The following CCDC88C variants were observed in gnomAD, a reference collection of about 807,000 sequenced individuals.
CCDC88C encodes protein Daple.
A neutral mutation model predicts 198.8 loss-of-function variants in CCDC88C; 131 were observed. The ratio of observed to expected loss-of-function variants is 0.66; its 90% CI spans 0.57 to 0.76. The LOEUF (loss-of-function observed/expected upper bound fraction) is 0.76. Ranked by LOEUF, CCDC88C falls within the 30% of genes least tolerant of loss-of-function variation. The probability of loss-of-function intolerance (pLI) is 0.00; values close to 1 mark genes in which losing one functional copy is unlikely to be tolerated. For missense variants in CCDC88C, 2,553 were observed against 2,631.6 expected, an observed-to-expected ratio of 0.97 and a Z score of 0.65; for synonymous variants, 1,166 against 1,114.7, an observed-to-expected ratio of 1.05 and a Z score of -0.92.
intron 10 of CCDC88C, among the ~76,000 whole-genome samples, chr14:91,336,805 C>CCCAGAGCTTCCAGAGCCT (rs1387729435): frequency 6.6e-6 from 1 of 152,232 alleles, no homozygotes; most frequent in Non-Finnish European, 1.5e-5. Flanking sequence ...CTCACCCAGT[C>CCCAGAGCTTCCAGAGCCT]CCAGAGCTTC....
In CCDC88C at chr14:91,279,240, T is replaced by C; in HGVS notation, c.4766A>G (p.Lys1589Arg). 1 of 1,591,954 alleles carries C rather than the reference T, an allele frequency of 6.3e-7. No individual in the cohort carries two copies. The highest frequency in any genetic ancestry group is 1.7e-5 in the Admixed American group (1 of 57,214). Residue 1589 changes from lysine (K) to arginine (R), a missense_variant and splice_region_variant, in exon 28 of 30, where the codon AAA (lysine) becomes AGA (arginine). Physicochemically the swap from Lys to Arg is conservative, Grantham distance 26. Around this residue, in one of 2 missense-constraint regions of CCDC88C, gnomAD observed 1,293 missense variants for 1,219.6 expected, o/e 1.06. Transcript: ENST00000389857. ...GTACACAGAAGCACAAGACTTACCT[T>C]TTAGGTTAAGAGGTGAGCTGTTGCT... ...TSSNSSPLNL[K>R]GSSEQLHGRS...
At chr14:91,309,790 T>G (rs985693522) in intron 16 of CCDC88C, 69 bp downstream of exon 16, 1 of 1,517,126 alleles carries the variant, frequency 6.6e-7, no homozygotes, top group Non-Finnish European at 9.0e-7. Context: ...CAGGGGAGGG[T>G]GAGGAGCCTG....
At chr14:91,351,025 T>C (rs1220841057) in intron 4 of CCDC88C, among the ~76,000 whole-genome samples, 2 of 152,180 alleles carry the variant, frequency 1.3e-5, no homozygotes, top group African/African-American at 4.8e-5. Context: ...CAGGGAGCTA[T>C]GTGGTTTCGC....
intron 22 of CCDC88C, among the ~76,000 whole-genome samples, chr14:91,295,266 A>C (rs1166610643): frequency 1.3e-5 from 2 of 152,242 alleles, no homozygotes; most frequent in Non-Finnish European, 2.9e-5. Context: ...AACTGGAAGG[A>C]AAAAGGAGGT....
intron 13 of CCDC88C, 116 bp from the exon 14 acceptor site, chr14:91,315,903 G>C (rs1596062900): frequency 9.5e-7 from 1 of 1,054,236 alleles, no homozygotes. Flanking sequence ...TTTCTCAAGG[G>C]AAGACCTCCT....
intron 4 of CCDC88C, among the ~76,000 whole-genome samples, chr14:91,346,880 CAAAG>C (rs1893565687): frequency 6.6e-6 from 1 of 152,092 alleles, no homozygotes; most frequent in Non-Finnish European, 1.5e-5. Context: ...GCCTTGGCGA[CAAAG>C]GAAGACTCTG....
Position 91,279,320 on chromosome 14 carries a change from G to T in CCDC88C, c.4700-14C>A, listed in dbSNP as rs1362482712. On this transcript the variant is annotated splice_polypyrimidine_tract_variant and intron_variant, in intron 27 of 29. Transcript: ENST00000389857. The stretch of plus-strand genomic sequence containing the variant: ...TTGGCCGCGACACTGAAAGGAAATG[G>T]CAGTGTTAAAATTAAAAAGCCAATG... 4 of 1,585,036 alleles carry T rather than the reference G, an allele frequency of 2.5e-6. No homozygotes were observed. The highest frequency in any genetic ancestry group is 2.6e-6 in the Non-Finnish European group (3 of 1,163,338).
At chr14:91,334,745 C>T (rs747450326) in intron 10 of CCDC88C, among the ~76,000 whole-genome samples, 1 of 152,192 alleles carries the variant, frequency 6.6e-6, no homozygotes, top group Admixed American at 6.5e-5. Flanking sequence ...AAGGTAACGC[C>T]GGGCCTTGAC....
At position 91,409,314 on chromosome 14, in the gene CCDC88C, A is replaced by G. The variant is rs548820630; in HGVS notation, c.162-547T>C. On this transcript the variant is annotated intron_variant, in intron 2 of 29. Transcript: ENST00000389857. Reference sequence around the variant, plus strand: ...AGGGATCTTCCTGTCTCAGCCTCCCAGGCAGCTAGGACTACAGGCCCAGCT... The same window carrying G: ...AGGGATCTTCCTGTCTCAGCCTCCCGGGCAGCTAGGACTACAGGCCCAGCT... Among the ~76,000 whole-genome samples the G allele has an allele frequency of 2.0e-5, 3 of 151,792 alleles. No individual in the cohort carries two copies. The East Asian group carries it at 5.8e-4, about 29-fold the overall frequency.
At chr14:91,380,832 G>A (rs150646355) in intron 3 of CCDC88C, among the ~76,000 whole-genome samples, 1,525 of 152,242 alleles carry the variant, frequency 0.01, 12 homozygotes, top group South Asian at 0.046. Context: ...CCCAGGGAGC[G>A]TTTGTGATTT....
intron 10 of CCDC88C, among the ~76,000 whole-genome samples, chr14:91,328,965 T>C (rs1892692597): frequency 6.6e-6 from 1 of 152,138 alleles, no homozygotes; most frequent in African/African-American, 2.4e-5. Flanking sequence ...GGGAGCTCTG[T>C]AGCAACCACG....
At chr14:91,298,714 C>T (rs1042932682) in intron 21 of CCDC88C, among the ~76,000 whole-genome samples, 1 of 152,168 alleles carries the variant, frequency 6.6e-6, no homozygotes, top group African/African-American at 2.4e-5. Flanking sequence ...GTGCATTCTC[C>T]GTTCAACAGT....
chr14:91,303,666 C>T, intron 20 of CCDC88C, 35 bp downstream of exon 20: 2 of 1,528,232 alleles, frequency 1.3e-6, no homozygotes, highest in Non-Finnish European at 8.8e-7. Flanking sequence ...TGGACTCTAC[C>T]CCTCCCCAGA....
At chr14:91,386,722 G>A (rs1218074610) in intron 3 of CCDC88C, among the ~76,000 whole-genome samples, 1 of 152,206 alleles carries the variant, frequency 6.6e-6, no homozygotes, top group Non-Finnish European at 1.5e-5. Context: ...TGTTCAAATG[G>A]GAGGGAAGCC....
rs780905563 is a variant in CCDC88C, at chr14:91,283,405, C to T, written c.4554G>A (p.Arg1518=). Residue 1518 remains arginine, a synonymous_variant, in exon 26 of 30, where the codon CGG becomes CGA. Coordinates refer to ENST00000389857, the MANE Select transcript of CCDC88C (RefSeq NM_001080414.4). The part of the protein sequence containing the change: ...MRSWPSELGS[R]TCSTSATTTA... ...TAGTGGTGGCTGAAGTTGAGCAAGT[C>T]CGGGAGCCCAGCTCCGAGGGCCAGG... 6.2e-7 allele frequency: 1 copy of T among 1,613,716 alleles called. No homozygotes were observed. Among genetic ancestry groups the T allele is most frequent in the Middle Eastern group, 1.7e-4 (1 of 6,056 alleles).
chr14:91,338,671 G>A lies in CCDC88C; in HGVS notation c.810-101C>T, dbSNP rs1893167764. On this transcript the variant is annotated intron_variant, in intron 8 of 29. Coordinates refer to ENST00000389857, the MANE Select transcript of CCDC88C (RefSeq NM_001080414.4). The surrounding 1 kb of genome is among the most constrained non-coding windows in gnomAD (Gnocchi z 4.8). ...CCTAAAACCTGTGGGAAAAGGAAAG[G>A]ACTCGGGATTTGGGCGGTGGGGAGG... 1.1e-6 allele frequency: 1 copy of A among 889,524 alleles called. No individual in the cohort carries two copies. The highest frequency in any genetic ancestry group is 2.1e-5 in the Admixed American group (1 of 48,312). 55.1% of individuals were successfully genotyped at this position (889,524 alleles called of 1,614,324 possible).
rs1849721919 is a variant in CCDC88C at position 91,417,640 on chromosome 14, C to T, written c.51G>A (p.Leu17=). ...ELLELFLQSP[L]VTWVKTFGPF... ...AGCCAGGCGCACTCACCCAGGTCAC[C>T]AGCGGGCTCTGCAGGAAGAGCTCCA... is the stretch of plus-strand genomic sequence containing the variant. The change falls in exon 1 of 30, where the codon CTG becomes CTA. Residue 17 remains leucine (L), a synonymous_variant. Transcript: ENST00000389857. 1 of 1,591,620 alleles carries T rather than the reference C, an allele frequency of 6.3e-7. No individual in the cohort carries two copies. The highest frequency in any genetic ancestry group is 1.4e-5 in the African/African-American group (1 of 72,186).
In CCDC88C at chr14:91,339,189, C is replaced by T. The variant is rs1337995063; in HGVS notation, c.809+89G>A. 1.4e-6 allele frequency: 2 copies of T among 1,475,666 alleles called. No homozygotes were observed. The highest frequency in any genetic ancestry group is 2.8e-5 in the African/African-American group (2 of 72,074). 91.4% of individuals were successfully genotyped at this position (1,475,666 alleles called of 1,614,324 possible). On this transcript the variant is annotated intron_variant, in intron 8 of 29. Coordinates refer to ENST00000389857, the MANE Select transcript of CCDC88C (RefSeq NM_001080414.4). This position sits in a 1 kb window ranked among gnomAD's most constrained non-coding sequence, Gnocchi z 5.8. ...TCCGGGGCACACGTCAGAGCTGTGC[C>T]ATTGGCAGCACCACACATGTGAGTC...
intron 13 of CCDC88C, among the ~76,000 whole-genome samples, chr14:91,317,581 G>A (rs151174732): frequency 6.6e-6 from 1 of 152,384 alleles, no homozygotes; most frequent in Non-Finnish European, 1.5e-5. Context: ...GACAGAGAGT[G>A]AAGGGAGAAC....
Sources: gnomAD v4.1 joint callset for allele counts (sites outside exome capture counted in the v4.1 genomes callset) on GRCh38, gnomAD v4.1.1 for gene constraint, gnomAD v4.1.1 regional missense constraint, Gnocchi (gnomAD v3.1) non-coding constraint, MANE v1.5 for transcripts, NCBI Gene and HGNC (gene_info 2026-07-23, HGNC 2026-07-21) for gene names.